The following NBN variants were observed in gnomAD, a reference collection of about 807,000 sequenced individuals.
NBN encodes the protein nibrin, also known as Nijmegen breakage syndrome 1 (nibrin).
NBN carries 88 observed loss-of-function variants against 90.8 expected under a neutral mutation model. The observed-to-expected ratio is 0.97, with a 90% CI of 0.82 to 1.16. The LOEUF is 1.16. NBN is among the 50% of genes most tolerant of loss of function. The pLI is 0.00. For missense variants in NBN, 894 were observed against 869.6 expected (o/e 1.03, Z -0.35); for synonymous variants, 328 against 295.1 (o/e 1.11, Z -1.14).
At chr8:89,977,052 A>G (rs1811791641) in intron 5 of NBN, among the ~76,000 whole-genome samples, 1 of 152,088 alleles carries the variant, frequency 6.6e-6, no homozygotes, top group Admixed American at 6.5e-5. Context: ...ATAACATTTA[A>G]AATTTTTTTT....
In NBN at chr8:89,981,392, C is replaced by T; in HGVS notation, c.303G>A (p.Val101=). 1 of 1,614,022 alleles carries T rather than the reference C, an allele frequency of 6.2e-7. No individual in the cohort carries two copies. Among genetic ancestry groups the T allele is most frequent in the African/African-American group, 1.3e-5 (1 of 75,020 alleles). The change falls in exon 3 of 16, where the codon GTG becomes GTA. Residue 101 remains valine (V), a synonymous_variant. Transcript: ENST00000265433. ...LKSGDGITFG[V]FGSKFRIEYE... is the part of the protein sequence containing the mutation. ...TGTCTTACCTGAATTTACTTCCAAA[C>T]ACTCCAAAAGTAATACCATCCCCCG...
In NBN at chr8:89,953,653, T is replaced by G; in HGVS notation, c.1436A>C (p.Lys479Thr). 1 of 1,612,598 alleles carries G rather than the reference T, an allele frequency of 6.2e-7. No homozygotes were observed. The highest frequency in any genetic ancestry group is 8.5e-7 in the Non-Finnish European group (1 of 1,179,486). Residue 479 changes from lysine (K) to threonine (T), a missense_variant, in exon 11 of 16, where the codon AAA becomes ACA. Transcript: ENST00000265433. ...DEENQEMSSC[K>T]SARIETSCSL... ...ACAAGACGTTTCTATTCTTGCTGAT[T>G]TGCATGAAGACATTTCTTGATTTTC...
intron 12 of NBN, among the ~76,000 whole-genome samples, chr8:89,947,047 AAG>A (rs1465575605): frequency 1.3e-5 from 2 of 152,098 alleles, no homozygotes; most frequent in African/African-American, 2.4e-5. Flanking sequence ...AGCAGTCAAA[AAG>A]AAAAAAAAAG....
intron 7 of NBN, among the ~76,000 whole-genome samples, chr8:89,969,231 T>G (rs1563556774): frequency 6.6e-6 from 1 of 152,246 alleles, no homozygotes; most frequent in East Asian, 1.9e-4. Context: ...CTAAGATTAT[T>G]AATGCAAATT....
chr8:89,972,944 T>C (rs937134817), intron 5 of NBN, among the ~76,000 whole-genome samples: 2 of 152,238 alleles, frequency 1.3e-5, no homozygotes, highest in African/African-American at 4.8e-5. Context: ...TTATTCACAC[T>C]GTCATTCTTA....
intron 12 of NBN, among the ~76,000 whole-genome samples, chr8:89,947,447 T>A (rs777142983): frequency 6.6e-6 from 1 of 151,924 alleles, no homozygotes; most frequent in Non-Finnish European, 1.5e-5. Context: ...CTGACCAACA[T>A]AGAGAAACCC....
intron 11 of NBN, among the ~76,000 whole-genome samples, chr8:89,948,336 G>A (rs188151935): frequency 3.9e-5 from 6 of 152,252 alleles, no homozygotes; most frequent in Admixed American, 2.6e-4. Context: ...ATGTCTGTAC[G>A]ATCGTGTATT....
chr8:89,976,402 T>C (rs1257856709), intron 5 of NBN, among the ~76,000 whole-genome samples: 3 of 152,234 alleles, frequency 2.0e-5, no homozygotes, highest in African/African-American at 7.2e-5. Flanking sequence ...CAGATTCTTT[T>C]ATACGGTGCC....
rs61753717 is a variant in NBN at position 89,947,893 on chromosome 8, C to A, written c.1846-1G>T. Reference sequence around the variant, plus strand: ...GTTTCTTCCCAATTTCATTTTCTTGCTAAAGAAATAAAATAAAAAATACTG... The same window carrying A: ...GTTTCTTCCCAATTTCATTTTCTTGATAAAGAAATAAAATAAAAAATACTG... On this transcript the variant is annotated splice_acceptor_variant, in intron 11 of 15. Coordinates refer to ENST00000265433, the MANE Select transcript of NBN (RefSeq NM_002485.5). LOFTEE classifies it high-confidence loss of function. The A allele has an allele frequency of 6.5e-7, 1 of 1,536,954 alleles. No individual in the cohort carries two copies. The highest frequency in any genetic ancestry group is 8.9e-7 in the Non-Finnish European group (1 of 1,119,894).
In NBN at chr8:89,978,289, AC is replaced by A; in HGVS notation, c.514del (p.Val172Ter). 1 of 1,595,780 alleles carries A rather than the reference AC, an allele frequency of 6.3e-7. No homozygotes were observed. Among genetic ancestry groups the A allele is most frequent in the Non-Finnish European group, 8.6e-7 (1 of 1,163,496 alleles). Reference protein sequence around the residue: ...ICALICGRPIVKPEYFTEFLK... With the variant: ...ICALICGRPIXKPEYFTEFLK... ...GAATTCAGTAAAATATTCTGGCTTT[AC>A]AATTGGACGTCCACAAATGAGTGCA... On this transcript the variant is annotated frameshift_variant, in exon 5 of 16. Coordinates refer to ENST00000265433, the MANE Select transcript of NBN (RefSeq NM_002485.5). LOFTEE classifies it high-confidence loss of function.
At chr8:89,948,631 T>C (rs1586044979) in intron 11 of NBN, among the ~76,000 whole-genome samples, 2 of 152,324 alleles carry the variant, frequency 1.3e-5, no homozygotes, top group Non-Finnish European at 1.5e-5. Flanking sequence ...TTTTCAGTAA[T>C]ACAGCAGTAA....
At position 89,933,836 on chromosome 8, in the gene NBN, G is replaced by A. The variant is rs1273546072; in HGVS notation, c.*1746C>T. 4 of 232,100 alleles carry A rather than the reference G, an allele frequency of 1.7e-5. No homozygotes were observed. Among genetic ancestry groups the A allele is most frequent in the Admixed American group, 1.7e-4 (3 of 17,758 alleles). The allele number at this position is 232,100 out of a possible 1,614,324, so 14.4% of individuals were successfully genotyped here. On this transcript the variant is annotated 3_prime_UTR_variant, in exon 16 of 16. Coordinates refer to ENST00000265433, the MANE Select transcript of NBN (RefSeq NM_002485.5). ...GTGTAATATCTCAATACATATATCC[G>A]ACAAGAGACTTGCATCTAGAATGTA...
chr8:89,967,504 C>T (rs183471482), intron 7 of NBN, among the ~76,000 whole-genome samples: 14 of 152,178 alleles, frequency 9.2e-5, no homozygotes, highest in Middle Eastern at 3.4e-3. Context: ...ATGTGTATTA[C>T]GCATAAATCA....
intron 6 of NBN, 46 bp downstream of exon 6, chr8:89,971,127 G>C: frequency 6.4e-7 from 1 of 1,558,674 alleles, no homozygotes; most frequent in Non-Finnish European, 8.8e-7. Flanking sequence ...ATGTATCCTA[G>C]TTTGTAATGT....
At chr8:89,964,389 A>G (rs1414239107) in intron 8 of NBN, 21 bp downstream of exon 8, 1 of 1,613,134 alleles carries the variant, frequency 6.2e-7, no homozygotes, top group East Asian at 2.2e-5. Context: ...TAACGAATCA[A>G]TAAAATAATG....
At chr8:89,943,038 C>CTTTTTT (rs10631091) in intron 14 of NBN, among the ~76,000 whole-genome samples, 1 of 139,676 alleles carries the variant, frequency 7.2e-6, no homozygotes, top group African/African-American at 2.6e-5. Context: ...TAGGTCTCAC[C>CTTTTTT]TTTTTTTTTT....
At chr8:89,956,796 C>G (rs762979914) in intron 9 of NBN, among the ~76,000 whole-genome samples, 2 of 152,212 alleles carry the variant, frequency 1.3e-5, no homozygotes, top group African/African-American at 2.4e-5. Flanking sequence ...CTTTCAATTA[C>G]AGTCACAGAC....
At chr8:89,953,137 G>A (rs1439842625) in intron 11 of NBN, 107 bp downstream of exon 11, 2 of 815,432 alleles carry the variant, frequency 2.5e-6, no homozygotes, top group Non-Finnish European at 4.2e-6. Context: ...ATAGTACTGA[G>A]TGTTAAAGAC....
At chr8:89,940,759 A>G (rs1370825832) in intron 14 of NBN, among the ~76,000 whole-genome samples, 2 of 152,348 alleles carry the variant, frequency 1.3e-5, no homozygotes, top group East Asian at 3.9e-4. Flanking sequence ...AAAAAATCAG[A>G]TAATAGAACA....
Sources: allele counts gnomAD v4.1 joint callset (sites outside exome capture counted in the v4.1 genomes callset), GRCh38; gene constraint gnomAD v4.1.1; transcripts MANE v1.5; gene names NCBI Gene and HGNC (gene_info 2026-07-23, HGNC 2026-07-21).